The following ADCY1 variants were observed in gnomAD, a reference collection of about 807,000 sequenced individuals.
The protein encoded by ADCY1 is adenylate cyclase type 1.
ADCY1 carries 28 observed loss-of-function variants against 105.4 expected under a neutral mutation model. The observed-to-expected ratio is 0.27, with a 90% CI of 0.20 to 0.36. ADCY1 has a LOEUF of 0.36. ADCY1 is among the 10% of genes least tolerant of loss of function. ADCY1 has a pLI of 1.00. For missense variants in ADCY1, 977 were observed against 1,434.2 expected, an observed-to-expected ratio of 0.68 and a Z score of 5.15; for synonymous variants, 655 against 623.8, an observed-to-expected ratio of 1.05 and a Z score of -0.75.
chr7:45,576,722 T>G (rs957654106), intron 1 of ADCY1, among the ~76,000 whole-genome samples: 4 of 151,990 alleles, frequency 2.6e-5, no homozygotes, highest in Admixed American at 1.3e-4. Flanking sequence ...GTGTTTAGCC[T>G]GGGCCTCATG....
At chr7:45,672,121 G>A (rs1447598598) in intron 8 of ADCY1, among the ~76,000 whole-genome samples, 2 of 152,102 alleles carry the variant, frequency 1.3e-5, no homozygotes, top group Admixed American at 6.5e-5. Flanking sequence ...TTAATAAGGT[G>A]TAAGTTTCAG....
chr7:45,682,536 G>A (rs776612279), intron 11 of ADCY1, among the ~76,000 whole-genome samples: 128 of 152,282 alleles, frequency 8.4e-4, no homozygotes, highest in Non-Finnish European at 1.5e-3. Context: ...CTGGACCCTG[G>A]GGATGTGGGC....
Position 45,574,423 on chromosome 7 carries a change from C to A in ADCY1, c.-121C>A, listed in dbSNP as rs1393728776. 6.8e-6 allele frequency: 1 copy of A among 146,108 alleles called. No homozygotes were observed. Among genetic ancestry groups the A allele is most frequent in the Non-Finnish European group, 1.5e-5 (1 of 67,152 alleles). 9.1% of individuals were successfully genotyped at this position (146,108 alleles called of 1,614,324 possible). On this transcript the variant is annotated 5_prime_UTR_variant, in exon 1 of 20. Transcript: ENST00000297323. The surrounding 1 kb of genome is among the most constrained non-coding windows in gnomAD (Gnocchi z 7.0). Reference sequence around the variant, plus strand: ...CGGCGCCCCAACTCCGCCCGCCCCGCGCCCCGCGCCCCGGCGCCTCGCCGC... The same window carrying A: ...CGGCGCCCCAACTCCGCCCGCCCCGAGCCCCGCGCCCCGGCGCCTCGCCGC...
chr7:45,621,200 G>A (rs1485399505), intron 3 of ADCY1, among the ~76,000 whole-genome samples: 1 of 152,080 alleles, frequency 6.6e-6, no homozygotes, highest in Admixed American at 6.5e-5. Flanking sequence ...CAAGTAGCTG[G>A]GACTACAGGT....
intron 14 of ADCY1, among the ~76,000 whole-genome samples, chr7:45,692,297 G>T (rs1784799031): frequency 6.6e-6 from 1 of 152,214 alleles, no homozygotes; most frequent in South Asian, 2.1e-4. Context: ...CATCCAACAG[G>T]TGCTTATTGG....
intron 14 of ADCY1, among the ~76,000 whole-genome samples, chr7:45,697,681 C>T (rs566628765): frequency 6.6e-5 from 10 of 152,224 alleles, no homozygotes; most frequent in East Asian, 1.9e-4. Flanking sequence ...TAAGCCACTG[C>T]GCCCAGCCCT....
In ADCY1 at chr7:45,611,544, G is replaced by A. The variant is rs898410352; in HGVS notation, c.908+1047G>A. 4.0e-5 allele frequency among the ~76,000 whole-genome samples: 6 copies of A among 151,864 alleles called. No homozygotes were observed. In the South Asian group the frequency reaches 1.2e-3, roughly 32 times the overall value. On this transcript the variant is annotated intron_variant, in intron 3 of 19. Coordinates refer to ENST00000297323, the MANE Select transcript of ADCY1 (RefSeq NM_021116.4). ...GTCTTACTCTGTTCATTTCATGACA[G>A]CCCTAGGAGGAAGGGATTGTTCCCA... is the stretch of plus-strand genomic sequence containing the variant.
intron 4 of ADCY1, among the ~76,000 whole-genome samples, chr7:45,634,891 A>C (rs13222078): frequency 0.22 from 32,950 of 152,134 alleles, 4,206 homozygotes; most frequent in East Asian, 0.51. Context: ...CATTTATGTT[A>C]CTTAAAGATA....
chr7:45,605,440 G>C (rs1326960396), intron 2 of ADCY1, among the ~76,000 whole-genome samples: 2 of 151,884 alleles, frequency 1.3e-5, no homozygotes, highest in Non-Finnish European at 2.9e-5. Flanking sequence ...TTAGGTGTAG[G>C]CTTTTTCTGA....
chr7:45,670,822 C>T (rs1361473682), intron 8 of ADCY1, among the ~76,000 whole-genome samples: 3 of 152,028 alleles, frequency 2.0e-5, no homozygotes. Context: ...CCATGTTCGT[C>T]TGCCCCGACT....
chr7:45,712,026 ATACT>A (rs1422353847), intron 19 of ADCY1, among the ~76,000 whole-genome samples: 2 of 80,240 alleles, frequency 2.5e-5, no homozygotes, highest in African/African-American at 1.4e-4. Flanking sequence ...TTTATATATT[ATACT>A]AAATATATAT....
Position 45,575,006 on chromosome 7 carries a change from G to T in ADCY1, c.463G>T (p.Gly155Trp), listed in dbSNP as rs751947495. ...PARGSAGAAGGPATAEQGVWQ... is the reference protein window; with the variant it reads ...PARGSAGAAGWPATAEQGVWQ... ...CCGGGGTTCCGCCGGGGCCGCTGGG[G>T]GGCCAGCGACCGCCGAACAAGGGGT... Residue 155 changes from glycine to tryptophan, a missense_variant, in exon 1 of 20, where the codon GGG (glycine) becomes TGG (tryptophan). By Grantham distance (184) the Gly-to-Trp change is radical (BLOSUM62 -2). Coordinates refer to ENST00000297323, the MANE Select transcript of ADCY1 (RefSeq NM_021116.4). This position sits in a 1 kb window ranked among gnomAD's most constrained non-coding sequence, Gnocchi z 4.7. 1 of 1,611,402 alleles carries T rather than the reference G, an allele frequency of 6.2e-7. No individual in the cohort carries two copies.
At chr7:45,594,477 T>A (rs1484861422) in intron 2 of ADCY1, among the ~76,000 whole-genome samples, 3 of 152,232 alleles carry the variant, frequency 2.0e-5, no homozygotes, top group Non-Finnish European at 4.4e-5. Flanking sequence ...AGGCTCTTTT[T>A]GTGGGCCCTG....
chr7:45,585,429 G>A (rs1318661339), intron 1 of ADCY1, among the ~76,000 whole-genome samples: 1 of 149,672 alleles, frequency 6.7e-6, no homozygotes, highest in African/African-American at 2.5e-5. Context: ...GTCCCATTGG[G>A]TGGGTACATC....
intron 19 of ADCY1, among the ~76,000 whole-genome samples, chr7:45,711,985 A>G (rs1188528778): frequency 8.4e-6 from 1 of 119,456 alleles, no homozygotes; most frequent in African/African-American, 3.5e-5. Context: ...TATATTAAAT[A>G]TATATTTTAT....
At chr7:45,593,788 A>G (rs1792994054) in intron 2 of ADCY1, among the ~76,000 whole-genome samples, 1 of 152,242 alleles carries the variant, frequency 6.6e-6, no homozygotes, top group Non-Finnish European at 1.5e-5. Flanking sequence ...TCACAAACAC[A>G]TTTCATGTGT....
rs1242286710 is a variant in ADCY1, at chr7:45,717,626, T to C, written c.*3631T>C. The C allele has an allele frequency of 6.6e-6, 1 of 152,218 alleles. No individual in the cohort carries two copies. Among genetic ancestry groups the C allele is most frequent in the Non-Finnish European group, 1.5e-5 (1 of 68,072 alleles). 9.4% of individuals were successfully genotyped at this position (152,218 alleles called of 1,614,324 possible). A position where few individuals can be genotyped will look rare whatever the true frequency, so the allele number is the denominator to read the frequency against. ...CCTTGCTTGGCCATGCTGTGGCCCT[T>C]TGGAAATGACCCTGTGTGCTCCCCT... On this transcript the variant is annotated 3_prime_UTR_variant, in exon 20 of 20. Transcript: ENST00000297323.
At chr7:45,613,401 C>T (rs992653576) in intron 3 of ADCY1, among the ~76,000 whole-genome samples, 1 of 151,564 alleles carries the variant, frequency 6.6e-6, no homozygotes, top group African/African-American at 2.4e-5. Flanking sequence ...GATAGAGGGG[C>T]AAAAGGAAAA....
At chr7:45,688,050 A>G (rs1052823454) in intron 14 of ADCY1, among the ~76,000 whole-genome samples, 12 of 152,272 alleles carry the variant, frequency 7.9e-5, no homozygotes, top group Admixed American at 5.9e-4. Flanking sequence ...AAGCCTGTCA[A>G]TTTTTTGTCT....
Sources: gnomAD v4.1 joint callset for allele counts (sites outside exome capture counted in the v4.1 genomes callset) on GRCh38, gnomAD v4.1.1 for gene constraint, Gnocchi (gnomAD v3.1) non-coding constraint, MANE v1.5 for transcripts, NCBI Gene and HGNC (gene_info 2026-07-23, HGNC 2026-07-21) for gene names.